UNCX: variants seen among roughly 807,000 people sequenced by gnomAD.
UNCX encodes homeobox protein unc-4 homolog.
Under a neutral mutation model 14.8 loss-of-function variants are expected in UNCX, and 4 were observed. That is an observed-to-expected ratio of 0.27 (90% CI 0.13 to 0.62). The LOEUF is 0.62. Among genes scored for constraint, UNCX ranks in the 20% least tolerant of loss-of-function variants. UNCX has a pLI of 0.86. For missense variants in UNCX, 749 were observed against 786.8 expected (o/e 0.95, Z 0.58); for synonymous variants, 459 against 395.8 (o/e 1.16, Z -1.90).
chr7:1,233,462 G>A lies in UNCX; in HGVS notation c.275-58G>A, dbSNP rs1410267177. The A allele has an allele frequency of 3.4e-6, 5 of 1,466,994 alleles. No homozygotes were observed. Among genetic ancestry groups the A allele is most frequent in the Non-Finnish European group, 4.5e-6 (5 of 1,110,888 alleles). 90.9% of individuals were successfully genotyped at this position (1,466,994 alleles called of 1,614,324 possible). A position where few individuals can be genotyped will look rare whatever the true frequency, so the allele number is the denominator to read the frequency against. Reference sequence around the variant, plus strand: ...GGCCAGCGGGTAGCGGGAGGGAGGGGTGGGGGTCGGGCCTGGGCCGGTGGC... The same window carrying A: ...GGCCAGCGGGTAGCGGGAGGGAGGGATGGGGGTCGGGCCTGGGCCGGTGGC... On this transcript the variant is annotated intron_variant, in intron 1 of 2. Coordinates refer to ENST00000316333, the MANE Select transcript of UNCX (RefSeq NM_001080461.3). This position sits in a 1 kb window ranked among gnomAD's most constrained non-coding sequence, Gnocchi z 5.3.
chr7:1,234,043 CT>C (rs1235129945), intron 2 of UNCX, among the ~76,000 whole-genome samples: 1 of 152,038 alleles, frequency 6.6e-6, no homozygotes, highest in Non-Finnish European at 1.5e-5. Flanking sequence ...GAGGGGCCGG[CT>C]TGGCTCCGAC....
chr7:1,233,414 C>T lies in UNCX; in HGVS notation c.275-106C>T, dbSNP rs1451679816. 3 of 1,176,600 alleles carry T rather than the reference C, an allele frequency of 2.5e-6. No individual in the cohort carries two copies. The highest frequency in any genetic ancestry group is 2.4e-5 in the African/African-American group (1 of 42,424). 72.9% of individuals were successfully genotyped at this position (1,176,600 alleles called of 1,614,324 possible). A position where few individuals can be genotyped will look rare whatever the true frequency, so the allele number is the denominator to read the frequency against. On this transcript the variant is annotated intron_variant, in intron 1 of 2. Transcript: ENST00000316333. This position sits in a 1 kb window ranked among gnomAD's most constrained non-coding sequence, Gnocchi z 5.3. ...GCCGGCTCCTAGGCGGCCGTCTCTG[C>T]GCCCCCCCCCCCGGATCCAGGCGGC...
Position 1,236,695 on chromosome 7 carries a change from C to T in UNCX, c.1314C>T (p.Ala438=). ...GGCCCGGCGGCGCCCCGGACTCGGC[C>T]TTCGCGCGTCGCAGCCCCGACGCCG... ...FSGPGGAPDS[A]FARRSPDAVA... is the part of the protein sequence containing the mutation. The change falls in exon 3 of 3, where the codon GCC becomes GCT. Residue 438 remains alanine (A), a synonymous_variant. Coordinates refer to ENST00000316333, the MANE Select transcript of UNCX (RefSeq NM_001080461.3). This position sits in a 1 kb window ranked among gnomAD's most constrained non-coding sequence, Gnocchi z 6.9. The T allele has an allele frequency of 1.0e-6, 1 of 1,002,594 alleles. No individual in the cohort carries two copies. Among genetic ancestry groups the T allele is most frequent in the Non-Finnish European group, 1.2e-6 (1 of 843,352 alleles). The allele number at this position is 1,002,594 out of a possible 1,614,324, so 62.1% of individuals were successfully genotyped here.
In UNCX at chr7:1,233,183, G is replaced by T. The variant is rs753341251; in HGVS notation, c.166G>T (p.Gly56Cys). The change falls in exon 1 of 3, where the codon GGC becomes TGC. Residue 56 changes from glycine to cysteine, a missense_variant. Physicochemically the swap from Gly to Cys is radical, Grantham distance 159 (BLOSUM62 -3). Around this residue, in one of 3 missense-constraint regions of UNCX, gnomAD observed 155 missense variants for 166.7 expected, o/e 0.93. Coordinates refer to ENST00000316333, the MANE Select transcript of UNCX (RefSeq NM_001080461.3). The surrounding 1 kb of genome is among the most constrained non-coding windows in gnomAD (Gnocchi z 5.3). ...AAASVPFSID[G>C]LLGGSCAAAA... is the part of the protein sequence containing the mutation. ...CGCCTCGGTGCCCTTCTCCATCGAC[G>T]GCCTGCTCGGGGGCTCGTGCGCCGC... is the stretch of plus-strand genomic sequence containing the variant. 2.1e-6 allele frequency: 3 copies of T among 1,459,664 alleles called. No homozygotes were observed. Among genetic ancestry groups the T allele is most frequent in the South Asian group, 2.6e-5 (2 of 77,082 alleles). 90.4% of individuals were successfully genotyped at this position (1,459,664 alleles called of 1,614,324 possible).
intron 2 of UNCX, among the ~76,000 whole-genome samples, chr7:1,234,280 G>C (rs1778702152): frequency 6.6e-6 from 1 of 152,254 alleles, no homozygotes; most frequent in Non-Finnish European, 1.5e-5. Flanking sequence ...AGAAAAAAAG[G>C]TGTCTGAATT....
rs374531636 is a variant in UNCX, at chr7:1,233,874, G to C, written c.450+179G>C. ...GGGGCTCGGCCCCTCACGGACAGCG[G>C]GGTGGGTAACTGCCCCCCAAAAGCC... On this transcript the variant is annotated intron_variant, in intron 2 of 2. Coordinates refer to ENST00000316333, the MANE Select transcript of UNCX (RefSeq NM_001080461.3). This position sits in a 1 kb window ranked among gnomAD's most constrained non-coding sequence, Gnocchi z 5.3. Among the ~76,000 whole-genome samples, 3 of 152,260 alleles carry C rather than the reference G, an allele frequency of 2.0e-5. No homozygotes were observed. Among genetic ancestry groups the C allele is most frequent in the Admixed American group, 6.5e-5 (1 of 15,288 alleles).
At position 1,236,557 on chromosome 7, in the gene UNCX, G is replaced by A. The variant is rs749832137; in HGVS notation, c.1176G>A (p.Pro392=). The A allele has an allele frequency of 2.2e-6, 3 of 1,361,290 alleles. No homozygotes were observed. Among genetic ancestry groups the A allele is most frequent in the East Asian group, 3.7e-5 (1 of 26,694 alleles). 84.3% of individuals were successfully genotyped at this position (1,361,290 alleles called of 1,614,324 possible). The change falls in exon 3 of 3, where the codon CCG becomes CCA. Residue 392 remains proline (P), a synonymous_variant. Transcript: ENST00000316333. This position sits in a 1 kb window ranked among gnomAD's most constrained non-coding sequence, Gnocchi z 6.9. ...CGCAGCCGCTCGGCTTCCTGGTGCC[G>A]CAGGCCGCGCTCAAGGGCGGCGCGG... ...PITQPLGFLV[P]QAALKGGAGL...
chr7:1,234,750 C>CAAAAAA (rs35439452), intron 2 of UNCX, among the ~76,000 whole-genome samples: 2 of 119,234 alleles, frequency 1.7e-5, no homozygotes, highest in Admixed American at 8.9e-5. Flanking sequence ...GAATTCGCAC[C>CAAAAAA]AAAAAAAAAA....
Position 1,233,977 on chromosome 7 carries a change from G to A in UNCX, c.450+282G>A, listed in dbSNP as rs941728037. Among the ~76,000 whole-genome samples the A allele has an allele frequency of 6.6e-6, 1 of 152,248 alleles. No homozygotes were observed. Among genetic ancestry groups the A allele is most frequent in the African/African-American group, 2.4e-5 (1 of 41,468 alleles). ...TGCGTCCGAACCGGGAAGCGGCGTGGTGGGTTGGCGGAGGCCGGGCCAAGT... is the reference window on the plus strand; with the variant it reads ...TGCGTCCGAACCGGGAAGCGGCGTGATGGGTTGGCGGAGGCCGGGCCAAGT... On this transcript the variant is annotated intron_variant, in intron 2 of 2. Coordinates refer to ENST00000316333, the MANE Select transcript of UNCX (RefSeq NM_001080461.3). The surrounding 1 kb of genome is among the most constrained non-coding windows in gnomAD (Gnocchi z 5.3).
In UNCX at chr7:1,233,659, G is replaced by A. The variant is rs141776730; in HGVS notation, c.414G>A (p.Leu138=). The A allele has an allele frequency of 5.0e-6, 8 of 1,612,010 alleles. No homozygotes were observed. The African/African-American group carries it at 9.4e-5, about 19-fold the overall frequency. The change falls in exon 2 of 3, where the codon CTG becomes CTA. Residue 138 remains leucine (L), a synonymous_variant. Transcript: ENST00000316333. The surrounding 1 kb of genome is among the most constrained non-coding windows in gnomAD (Gnocchi z 5.3). ...CCGACGTGTTCATGCGCGAGGCGCTGGCGCTGCGCCTAGACCTGGTCGAGT... is the reference window on the plus strand; with the variant it reads ...CCGACGTGTTCATGCGCGAGGCGCTAGCGCTGCGCCTAGACCTGGTCGAGT... The part of the protein sequence containing the change: ...HYPDVFMREA[L]ALRLDLVESR...
In UNCX at chr7:1,236,178, G is replaced by A; in HGVS notation, c.797G>A (p.Gly266Glu). 8.1e-7 allele frequency: 1 copy of A among 1,228,978 alleles called. No homozygotes were observed. 76.1% of individuals were successfully genotyped at this position (1,228,978 alleles called of 1,614,324 possible). A position where few individuals can be genotyped will look rare whatever the true frequency, so the allele number is the denominator to read the frequency against. ...GGAGCGCACGCCTCGGGCGCCGCGG[G>A]GACCGCGCCCGCCCCTCCCGGCGAG... ...GPGAHASGAA[G>E]TAPAPPGEPP... Residue 266 changes from glycine (G) to glutamate (E), a missense_variant, in exon 3 of 3, where the codon GGG becomes GAG. Physicochemically the swap from Gly to Glu is moderately conservative, Grantham distance 98. Around this residue, in one of 3 missense-constraint regions of UNCX, gnomAD observed 552 missense variants for 507.2 expected, o/e 1.09. Transcript: ENST00000316333. This position sits in a 1 kb window ranked among gnomAD's most constrained non-coding sequence, Gnocchi z 6.9.
Position 1,233,232 on chromosome 7 carries a change from C to A in UNCX, c.215C>A (p.Thr72Lys). 9 of 1,405,956 alleles carry A rather than the reference C, an allele frequency of 6.4e-6. No homozygotes were observed. The highest frequency in any genetic ancestry group is 7.4e-6 in the Non-Finnish European group (8 of 1,083,464). The allele number at this position is 1,405,956 out of a possible 1,614,324, so 87.1% of individuals were successfully genotyped here. A position where few individuals can be genotyped will look rare whatever the true frequency, so the allele number is the denominator to read the frequency against. ...CAAAASVVNP[T>K]PLLPAACGVG... is the part of the protein sequence containing the mutation. ...GCCGCCGCCTCGGTGGTCAACCCCA[C>A]GCCGCTGCTGCCAGCCGCCTGCGGG... The change falls in exon 1 of 3, where the codon ACG becomes AAG. Residue 72 changes from threonine (T) to lysine (K), a missense_variant. Physicochemically the swap from Thr to Lys is moderately conservative, Grantham distance 78. Coordinates refer to ENST00000316333, the MANE Select transcript of UNCX (RefSeq NM_001080461.3). The surrounding 1 kb of genome is among the most constrained non-coding windows in gnomAD (Gnocchi z 5.3).
chr7:1,233,234 C>G lies in UNCX; in HGVS notation c.217C>G (p.Pro73Ala). 1 of 1,393,870 alleles carries G rather than the reference C, an allele frequency of 7.2e-7. No individual in the cohort carries two copies. The highest frequency in any genetic ancestry group is 9.3e-7 in the Non-Finnish European group (1 of 1,078,496). The allele number at this position is 1,393,870 out of a possible 1,614,324, so 86.3% of individuals were successfully genotyped here. A position where few individuals can be genotyped will look rare whatever the true frequency, so the allele number is the denominator to read the frequency against. Residue 73 changes from proline to alanine, a missense_variant, in exon 1 of 3, where the codon CCG (proline) becomes GCG (alanine). Coordinates refer to ENST00000316333, the MANE Select transcript of UNCX (RefSeq NM_001080461.3). This position sits in a 1 kb window ranked among gnomAD's most constrained non-coding sequence, Gnocchi z 5.3. ...CGCCGCCTCGGTGGTCAACCCCACG[C>G]CGCTGCTGCCAGCCGCCTGCGGGGT... is the stretch of plus-strand genomic sequence containing the variant. ...AAAASVVNPTPLLPAACGVGG... is the reference protein window; with the variant it reads ...AAAASVVNPTALLPAACGVGG...
Position 1,233,656 on chromosome 7 carries a change from G to A in UNCX, c.411G>A (p.Ala137=). The A allele has an allele frequency of 6.2e-7, 1 of 1,611,154 alleles. No individual in the cohort carries two copies. Among genetic ancestry groups the A allele is most frequent in the Non-Finnish European group, 8.5e-7 (1 of 1,179,018 alleles). ...SHYPDVFMRE[A]LALRLDLVES... is the part of the protein sequence containing the mutation. ...ATCCCGACGTGTTCATGCGCGAGGC[G>A]CTGGCGCTGCGCCTAGACCTGGTCG... Residue 137 remains alanine (A), a synonymous_variant, in exon 2 of 3, where the codon GCG becomes GCA. Coordinates refer to ENST00000316333, the MANE Select transcript of UNCX (RefSeq NM_001080461.3). This position sits in a 1 kb window ranked among gnomAD's most constrained non-coding sequence, Gnocchi z 5.3.
rs752154236 is a variant in UNCX at position 1,234,622 on chromosome 7, CCT to C, written c.450+930_450+931del. Among the ~76,000 whole-genome samples the C allele has an allele frequency of 1.4e-4, 21 of 150,082 alleles. 1 individual carries two copies. Among genetic ancestry groups the C allele is most frequent in the Admixed American group, 9.3e-4 (14 of 15,006 alleles). On this transcript the variant is annotated intron_variant, in intron 2 of 2. Coordinates refer to ENST00000316333, the MANE Select transcript of UNCX (RefSeq NM_001080461.3). ...CCTGCGCTTGGACCTCCTCTCATGA[CCT>C]CTTCTGCTTGGAAATCCTTTCATCC...
chr7:1,236,751 C>T lies in UNCX; in HGVS notation c.1370C>T (p.Pro457Leu). The change falls in exon 3 of 3, where the codon CCG (proline) becomes CTG (leucine). Residue 457 changes from proline to leucine, a missense_variant. Transcript: ENST00000316333. This position sits in a 1 kb window ranked among gnomAD's most constrained non-coding sequence, Gnocchi z 6.9. ...VASPGAPAPA[P>L]APFRDLASAA... ...TCCCCGGGGGCCCCAGCCCCGGCCC[C>T]GGCGCCTTTCCGGGACCTCGCCTCG... The T allele has an allele frequency of 1.0e-6, 1 of 989,268 alleles. No homozygotes were observed. The highest frequency in any genetic ancestry group is 1.2e-6 in the Non-Finnish European group (1 of 834,014). 61.3% of individuals were successfully genotyped at this position (989,268 alleles called of 1,614,324 possible). A position where few individuals can be genotyped will look rare whatever the true frequency, so the allele number is the denominator to read the frequency against.
chr7:1,233,225 A>G lies in UNCX; in HGVS notation c.208A>G (p.Asn70Asp). 1 of 1,424,740 alleles carries G rather than the reference A, an allele frequency of 7.0e-7. No homozygotes were observed. The highest frequency in any genetic ancestry group is 9.2e-7 in the Non-Finnish European group (1 of 1,091,714). The allele number at this position is 1,424,740 out of a possible 1,614,324, so 88.3% of individuals were successfully genotyped here. A position where few individuals can be genotyped will look rare whatever the true frequency, so the allele number is the denominator to read the frequency against. The change falls in exon 1 of 3, where the codon AAC becomes GAC. Residue 70 changes from asparagine to aspartate, a missense_variant. By Grantham distance (23) the Asn-to-Asp change is conservative. Coordinates refer to ENST00000316333, the MANE Select transcript of UNCX (RefSeq NM_001080461.3). The surrounding 1 kb of genome is among the most constrained non-coding windows in gnomAD (Gnocchi z 5.3). Reference sequence around the variant, plus strand: ...GTGCGCCGCCGCCGCCTCGGTGGTCAACCCCACGCCGCTGCTGCCAGCCGC... The same window carrying G: ...GTGCGCCGCCGCCGCCTCGGTGGTCGACCCCACGCCGCTGCTGCCAGCCGC... ...GSCAAAASVV[N>D]PTPLLPAACG...
Position 1,233,304 on chromosome 7 carries a change from G to A in UNCX, c.274+13G>A. ...TTCAAGCTGTCAGGTAGGCGCGGCG[G>A]GCGGGAGGGCGGGGAGGAGTGCGGC... On this transcript the variant is annotated intron_variant, in intron 1 of 2. Transcript: ENST00000316333. This position sits in a 1 kb window ranked among gnomAD's most constrained non-coding sequence, Gnocchi z 5.3. 2 of 1,317,754 alleles carry A rather than the reference G, an allele frequency of 1.5e-6. No homozygotes were observed. Among genetic ancestry groups the A allele is most frequent in the Non-Finnish European group, 9.6e-7 (1 of 1,040,148 alleles). 81.6% of individuals were successfully genotyped at this position (1,317,754 alleles called of 1,614,324 possible).
chr7:1,233,250 C>T lies in UNCX; in HGVS notation c.233C>T (p.Ala78Val), dbSNP rs1295236200. ...VVNPTPLLPA[A>V]CGVGGDGQPF... ...AACCCCACGCCGCTGCTGCCAGCCG[C>T]CTGCGGGGTCGGCGGGGACGGCCAG... Residue 78 changes from alanine (A) to valine (V), a missense_variant, in exon 1 of 3, where the codon GCC (alanine) becomes GTC (valine). By Grantham distance (64) the Ala-to-Val change is moderately conservative. Coordinates refer to ENST00000316333, the MANE Select transcript of UNCX (RefSeq NM_001080461.3). The surrounding 1 kb of genome is among the most constrained non-coding windows in gnomAD (Gnocchi z 5.3). 7.3e-7 allele frequency: 1 copy of T among 1,363,186 alleles called. No individual in the cohort carries two copies. The highest frequency in any genetic ancestry group is 1.7e-5 in the South Asian group (1 of 57,148). The allele number at this position is 1,363,186 out of a possible 1,614,324, so 84.4% of individuals were successfully genotyped here. A position where few individuals can be genotyped will look rare whatever the true frequency, so the allele number is the denominator to read the frequency against.
Sources: gnomAD v4.1 joint callset for allele counts (sites outside exome capture counted in the v4.1 genomes callset) on GRCh38, gnomAD v4.1.1 for gene constraint, gnomAD v4.1.1 regional missense constraint, Gnocchi (gnomAD v3.1) non-coding constraint, MANE v1.5 for transcripts, NCBI Gene and HGNC (gene_info 2026-07-23, HGNC 2026-07-21) for gene names.